C16orf96: variants seen among roughly 807,000 people sequenced by gnomAD.
The protein encoded by C16orf96 is chromosome 16 open reading frame 96.
Under a neutral mutation model 103.6 loss-of-function variants are expected in C16orf96, and 108 were observed. That is an observed-to-expected ratio of 1.04 (90% CI 0.89 to 1.22). C16orf96 has a LOEUF of 1.22. C16orf96 is among the 50% of genes most tolerant of loss of function. The pLI, the probability that C16orf96 is intolerant of heterozygous loss-of-function variation, is 0.00. For missense variants in C16orf96, 1,586 were observed against 1,464.2 expected, an observed-to-expected ratio of 1.08 and a Z score of -1.36; for synonymous variants, 566 against 593.5, an observed-to-expected ratio of 0.95 and a Z score of 0.67.
intron 1 of C16orf96, among the ~76,000 whole-genome samples, chr16:4,562,029 T>G (rs1265525957): frequency 3.3e-5 from 5 of 152,184 alleles, no homozygotes; most frequent in Admixed American, 6.6e-5. Context: ...TTTTTTTAAA[T>G]TGTAGAAAAC....
chr16:4,547,698 T>TTCTTTC, the C16orf96 span, among the ~76,000 whole-genome samples: 1 of 32,842 alleles, frequency 3.0e-5, no homozygotes, highest in South Asian at 2.9e-3. Flanking sequence ...CCTTCTTTCT[T>TTCTTTC]TCTTTCTTTC....
intron 4 of C16orf96, 56 bp from the exon 5 acceptor site, chr16:4,575,116 CTG>C: frequency 1.3e-6 from 2 of 1,549,044 alleles, no homozygotes; most frequent in East Asian, 4.9e-5. Context: ...GGGTGGCTGA[CTG>C]AGAGTGGGAG....
upstream of C16orf96, among the ~76,000 whole-genome samples, chr16:4,553,640 G>A (rs1465147066): frequency 6.6e-6 from 1 of 152,066 alleles, no homozygotes; most frequent in African/African-American, 2.4e-5. Flanking sequence ...ACTACGCTCA[G>A]CTAATTTTTT....
Position 4,575,543 on chromosome 16 carries a change from G to A in C16orf96, c.1063G>A (p.Gly355Arg). 6.5e-7 allele frequency: 1 copy of A among 1,540,812 alleles called. No homozygotes were observed. Among genetic ancestry groups the A allele is most frequent in the Non-Finnish European group, 8.7e-7 (1 of 1,144,396 alleles). ...TGTGCCTGCCCTGGGGCCTGTCCCA[G>A]GGCCCAGTGTGACACCTGGGTCCTT... The part of the protein sequence containing the change: ...EPVPALGPVP[G>R]PSVTPGSLPA... Residue 355 changes from glycine (G) to arginine (R), a missense_variant, in exon 5 of 16, where the codon GGG (glycine) becomes AGG (arginine). Coordinates refer to ENST00000444310, the MANE Select transcript of C16orf96 (RefSeq NM_001145011.2).
intron 7 of C16orf96, among the ~76,000 whole-genome samples, chr16:4,581,139 T>TAG (rs2059580853): frequency 1.3e-5 from 1 of 77,412 alleles, no homozygotes; most frequent in Admixed American, 1.9e-4. Context: ...TATATATGTA[T>TAG]ACATATATAT....
At chr16:4,538,983 G>C in the C16orf96 span, among the ~76,000 whole-genome samples, 1 of 152,188 alleles carries the variant, frequency 6.6e-6, no homozygotes, top group South Asian at 2.1e-4. Context: ...AACCGTCCCT[G>C]TGAGCGCCTC....
At chr16:4,538,788 G>C in the C16orf96 span, 10 of 152,222 alleles carry the variant, frequency 6.6e-5, no homozygotes, top group African/African-American at 2.2e-4. Context: ...CAAGGAGGCG[G>C]GTAGACTTTG....
In C16orf96 at chr16:4,588,346, G is replaced by C; in HGVS notation, c.2592+15G>C. The C allele has an allele frequency of 1.3e-6, 2 of 1,540,308 alleles. No individual in the cohort carries two copies. The highest frequency in any genetic ancestry group is 8.8e-7 in the Non-Finnish European group (1 of 1,138,082). On this transcript the variant is annotated intron_variant, in intron 9 of 15. Transcript: ENST00000444310. ...TGAACACCAAGGTGAATGCCCCCATGTTGATTTTCACTTTATTCCTAACAA... is the reference window on the plus strand; with the variant it reads ...TGAACACCAAGGTGAATGCCCCCATCTTGATTTTCACTTTATTCCTAACAA...
chr16:4,570,289 C>T (rs1204730221), intron 1 of C16orf96, among the ~76,000 whole-genome samples: 2 of 152,198 alleles, frequency 1.3e-5, no homozygotes, highest in African/African-American at 2.4e-5. Context: ...TGCAATGCAG[C>T]GAGCAACCAA....
Position 4,556,880 on chromosome 16 carries a change from G to C in C16orf96, c.391G>C (p.Val131Leu). The change falls in exon 1 of 16, where the codon GTG becomes CTG. Residue 131 changes from valine (V) to leucine (L), a missense_variant. Transcript: ENST00000444310. The part of the protein sequence containing the change: ...LWHLIKLRKM[V>L]EGHDEVMAKS... ...GCATCTGATCAAGCTCCGGAAGATGGTGGAGGGTCATGATGAAGTCATGGC... is the reference window on the plus strand; with the variant it reads ...GCATCTGATCAAGCTCCGGAAGATGCTGGAGGGTCATGATGAAGTCATGGC... 6.5e-7 allele frequency: 1 copy of C among 1,549,248 alleles called. No homozygotes were observed. The highest frequency in any genetic ancestry group is 2.4e-5 in the East Asian group (1 of 40,818).
chr16:4,596,382 G>A (rs1349925084), intron 14 of C16orf96, among the ~76,000 whole-genome samples: 1 of 152,106 alleles, frequency 6.6e-6, no homozygotes, highest in African/African-American at 2.4e-5. Flanking sequence ...CTACTCAGGA[G>A]GCTGGGGCGG....
At chr16:4,599,450 C>A in intron 15 of C16orf96, 86 bp downstream of exon 15, 1 of 1,192,738 alleles carries the variant, frequency 8.4e-7, no homozygotes, top group Non-Finnish European at 1.2e-6. Flanking sequence ...CCCCCACACC[C>A]CGCCTGGGCT....
intron 9 of C16orf96, among the ~76,000 whole-genome samples, chr16:4,591,459 C>T (rs1379434347): frequency 6.6e-6 from 1 of 152,042 alleles, no homozygotes; most frequent in African/African-American, 2.4e-5. Flanking sequence ...GGAAGCTCAC[C>T]TTGCAGCTCC....
Position 4,588,311 on chromosome 16 carries a change from A to C in C16orf96, c.2572A>C (p.Ser858Arg). 6.4e-7 allele frequency: 1 copy of C among 1,551,422 alleles called. No individual in the cohort carries two copies. Among genetic ancestry groups the C allele is most frequent in the Non-Finnish European group, 8.7e-7 (1 of 1,146,728 alleles). ...DSWKKAMEEL[S>R]KDVNTKLVHS... ...CTGGAAGAAGGCTATGGAGGAGCTCAGCAAGGACGTGAACACCAAGGTGAA... is the reference window on the plus strand; with the variant it reads ...CTGGAAGAAGGCTATGGAGGAGCTCCGCAAGGACGTGAACACCAAGGTGAA... The change falls in exon 9 of 16, where the codon AGC (serine) becomes CGC (arginine). Residue 858 changes from serine (S) to arginine (R), a missense_variant. Coordinates refer to ENST00000444310, the MANE Select transcript of C16orf96 (RefSeq NM_001145011.2).
chr16:4,593,745 T>C lies in C16orf96; in HGVS notation c.2867+429T>C, dbSNP rs992717610. Among the ~76,000 whole-genome samples the C allele has an allele frequency of 5.9e-5, 9 of 152,094 alleles. No homozygotes were observed. Among genetic ancestry groups the C allele is most frequent in the African/African-American group, 1.9e-4 (8 of 41,414 alleles). ...CCTTGTTGAGTCCTCACAGCTGCCC[T>C]CTAAGATGTATCCTGGTACCATCCC... On this transcript the variant is annotated intron_variant, in intron 12 of 15. Transcript: ENST00000444310. The surrounding 1 kb of genome is among the most constrained non-coding windows in gnomAD (Gnocchi z 4.2).
the C16orf96 span, among the ~76,000 whole-genome samples, chr16:4,548,929 G>T: frequency 6.6e-6 from 1 of 151,268 alleles, no homozygotes; most frequent in East Asian, 1.9e-4. Context: ...TATAACCAGT[G>T]CCATCTGCTG....
chr16:4,572,370 A>G (rs1272180), intron 2 of C16orf96, among the ~76,000 whole-genome samples: 137,042 of 144,666 alleles, frequency 0.95, 65,354 homozygotes, highest in East Asian at 1. Flanking sequence ...CTCGATCTTG[A>G]CTCACTGCAA....
At chr16:4,550,788 A>G in the C16orf96 span, among the ~76,000 whole-genome samples, 1 of 152,230 alleles carries the variant, frequency 6.6e-6, no homozygotes, top group Non-Finnish European at 1.5e-5. Context: ...GGTGTGAGTC[A>G]GCACACACTG....
At chr16:4,599,737 C>G (rs578170567) in intron 15 of C16orf96, among the ~76,000 whole-genome samples, 1 of 152,362 alleles carries the variant, frequency 6.6e-6, no homozygotes, top group Admixed American at 6.5e-5. Context: ...GTGAGGCAGG[C>G]ACTGTTTGCC....
Sources: allele counts gnomAD v4.1 joint callset (sites outside exome capture counted in the v4.1 genomes callset), GRCh38; gene constraint gnomAD v4.1.1; non-coding constraint Gnocchi (gnomAD v3.1); transcripts MANE v1.5; gene names NCBI Gene and HGNC (gene_info 2026-07-23, HGNC 2026-07-21).